ALK: variants seen among roughly 807,000 people sequenced by gnomAD.
ALK encodes ALK tyrosine kinase receptor.
A neutral mutation model predicts 163.1 loss-of-function variants in ALK; 74 were observed. That is an observed-to-expected ratio of 0.45 (90% CI 0.38 to 0.55). ALK has a LOEUF of 0.55. Ranked by LOEUF, ALK falls within the 20% of genes least tolerant of loss-of-function variation. The pLI is 0.00. For missense variants in ALK, 2,063 were observed against 2,105.3 expected (o/e 0.98, Z 0.39); for synonymous variants, 960 against 843.2 (o/e 1.14, Z -2.40).
At chr2:29,297,281 G>A (rs1666219587) in intron 8 of ALK, among the ~76,000 whole-genome samples, 1 of 152,076 alleles carries the variant, frequency 6.6e-6, no homozygotes, top group Admixed American at 6.5e-5. Context: ...TTTTTCTTGG[G>A]CAGGGACAAC....
intron 14 of ALK, 110 bp downstream of exon 14, chr2:29,233,455 T>C (rs1664275465): frequency 6.5e-7 from 1 of 1,534,994 alleles, no homozygotes; most frequent in Non-Finnish European, 9.0e-7. Flanking sequence ...CCTGCTCATC[T>C]TTACACGGGG....
intron 1 of ALK, among the ~76,000 whole-genome samples, chr2:29,812,480 C>A (rs1355018128): frequency 1.3e-5 from 2 of 152,114 alleles, no homozygotes; most frequent in Non-Finnish European, 2.9e-5. Flanking sequence ...GGAAATAAGG[C>A]TACTAACAAC....
chr2:29,325,216 C>G (rs1404327320), intron 6 of ALK, among the ~76,000 whole-genome samples: 1 of 152,154 alleles, frequency 6.6e-6, no homozygotes, highest in African/African-American at 2.4e-5. Context: ...CTGGCCATTC[C>G]TAACAGAGCT....
At chr2:29,784,659 C>A (rs1558486970) in intron 1 of ALK, among the ~76,000 whole-genome samples, 1 of 152,036 alleles carries the variant, frequency 6.6e-6, no homozygotes. Flanking sequence ...CATACCATTG[C>A]ATTCCAGGCT....
intron 4 of ALK, among the ~76,000 whole-genome samples, chr2:29,481,154 C>G (rs1400552569): frequency 1.3e-5 from 2 of 152,182 alleles, no homozygotes; most frequent in East Asian, 3.9e-4. Context: ...AGTCATTCAC[C>G]CAAGCCATGC....
At chr2:29,778,057 C>T (rs1314119994) in intron 1 of ALK, among the ~76,000 whole-genome samples, 1 of 152,204 alleles carries the variant, frequency 6.6e-6, no homozygotes, top group Non-Finnish European at 1.5e-5. Flanking sequence ...AGGAAGCTTA[C>T]AAACACACCA....
At chr2:29,404,307 CAA>C (rs11297118) in intron 4 of ALK, among the ~76,000 whole-genome samples, 6,208 of 135,276 alleles carry the variant, frequency 0.046, 355 homozygotes, top group African/African-American at 0.15. Flanking sequence ...GACTCCGTCT[CAA>C]AAAAAAAAAA....
At chr2:29,765,482 T>C (rs13412718) in intron 1 of ALK, among the ~76,000 whole-genome samples, 16,156 of 152,088 alleles carry the variant, frequency 0.11, 2,889 homozygotes, top group African/African-American at 0.37. Context: ...TTTTTATTTA[T>C]TTTTTATTTT....
intron 3 of ALK, among the ~76,000 whole-genome samples, chr2:29,675,141 C>A (rs947741969): frequency 3.3e-5 from 5 of 151,924 alleles, no homozygotes; most frequent in Admixed American, 2.6e-4. Context: ...CAAAATGAGG[C>A]TATAATATGC....
chr2:29,706,436 C>T (rs1678914239), intron 2 of ALK, among the ~76,000 whole-genome samples: 1 of 152,224 alleles, frequency 6.6e-6, no homozygotes, highest in African/African-American at 2.4e-5. Flanking sequence ...CCTCTGCCCA[C>T]AACCACTGTT....
At chr2:29,854,421 CTT>C (rs1666087197) in intron 1 of ALK, among the ~76,000 whole-genome samples, 1 of 152,140 alleles carries the variant, frequency 6.6e-6, no homozygotes, top group African/African-American at 2.4e-5. Context: ...CTCTCTCTCT[CTT>C]AAGAGCTCCC....
intron 3 of ALK, among the ~76,000 whole-genome samples, chr2:29,595,522 G>A (rs1271998101): frequency 1.3e-5 from 2 of 151,944 alleles, no homozygotes; most frequent in African/African-American, 4.8e-5. Flanking sequence ...GGGTTTCACC[G>A]TGTTAGGCAG....
chr2:29,572,306 C>T (rs372320260), intron 3 of ALK, among the ~76,000 whole-genome samples: 5 of 152,172 alleles, frequency 3.3e-5, no homozygotes, highest in East Asian at 1.9e-4. Context: ...GAGACGTCAG[C>T]GTTGTGGGCC....
At chr2:29,347,482 G>C (rs1490274455) in intron 5 of ALK, among the ~76,000 whole-genome samples, 1 of 152,214 alleles carries the variant, frequency 6.6e-6, no homozygotes, top group African/African-American at 2.4e-5. Flanking sequence ...CATACTCTGA[G>C]CTGCTGGGAG....
intron 5 of ALK, among the ~76,000 whole-genome samples, chr2:29,380,128 A>G (rs1573299726): frequency 6.8e-6 from 1 of 147,830 alleles, no homozygotes; most frequent in East Asian, 2.0e-4. Flanking sequence ...TTTTTTTAAG[A>G]CAGAGTCTCA....
intron 1 of ALK, among the ~76,000 whole-genome samples, chr2:29,755,695 C>A (rs926223491): frequency 6.6e-6 from 1 of 152,108 alleles, no homozygotes; most frequent in African/African-American, 2.4e-5. Flanking sequence ...TATTAGTACC[C>A]ACCTCCCCAT....
At chr2:29,545,610 A>G (rs1673532594) in intron 3 of ALK, among the ~76,000 whole-genome samples, 2 of 152,302 alleles carry the variant, frequency 1.3e-5, no homozygotes, top group Non-Finnish European at 2.9e-5. Context: ...GAGCTGAGCC[A>G]TGTGGGCACT....
Position 29,786,920 on chromosome 2 carries a change from C to T in ALK, c.668-69223G>A, listed in dbSNP as rs560197936. Among the ~76,000 whole-genome samples, 6 of 152,240 alleles carry T rather than the reference C, an allele frequency of 3.9e-5. No homozygotes were observed. The South Asian group carries it at 1.0e-3, about 26-fold the overall frequency. On this transcript the variant is annotated intron_variant, in intron 1 of 28. Transcript: ENST00000389048. Reference sequence around the variant, plus strand: ...AAGCGATTCTCCTGCCTCAGCCTCCCGAGTAGCTGGGACTATAGGCAACCA... The same window carrying T: ...AAGCGATTCTCCTGCCTCAGCCTCCTGAGTAGCTGGGACTATAGGCAACCA...
chr2:29,717,574 T>C lies in ALK; in HGVS notation c.787+4A>G, dbSNP rs377100808. ...TCTCAAGTAAATATTAAACATATACTTACCATATCGGCTGCGATGAGACAG... is the reference window on the plus strand; with the variant it reads ...TCTCAAGTAAATATTAAACATATACCTACCATATCGGCTGCGATGAGACAG... On this transcript the variant is annotated splice_donor_region_variant and intron_variant, in intron 2 of 28. Coordinates refer to ENST00000389048, the MANE Select transcript of ALK (RefSeq NM_004304.5). 6.2e-7 allele frequency: 1 copy of C among 1,613,858 alleles called. No homozygotes were observed. The highest frequency in any genetic ancestry group is 1.3e-5 in the African/African-American group (1 of 74,906).
Sources: gnomAD v4.1 joint callset for allele counts (sites outside exome capture counted in the v4.1 genomes callset) on GRCh38, gnomAD v4.1.1 for gene constraint, MANE v1.5 for transcripts, NCBI Gene and HGNC (gene_info 2026-07-23, HGNC 2026-07-21) for gene names.